ADCY1: variants seen among roughly 807,000 people sequenced by gnomAD.
ADCY1 encodes adenylate cyclase 1.
Under a neutral mutation model 105.4 loss-of-function variants are expected in ADCY1, and 28 were observed. That is an observed-to-expected ratio of 0.27 (90% CI 0.20 to 0.36). The LOEUF is 0.36. Among genes scored for constraint, ADCY1 ranks in the 10% least tolerant of loss-of-function variants. The pLI, the probability that ADCY1 is intolerant of heterozygous loss-of-function variation, is 1.00. For synonymous variants in ADCY1, 655 were observed against 623.8 expected (o/e 1.05, Z -0.75); for missense variants, 977 against 1,434.2 (o/e 0.68, Z 5.15).
intron 4 of ADCY1, among the ~76,000 whole-genome samples, chr7:45,643,503 G>A (rs1794579474): frequency 6.6e-6 from 1 of 151,754 alleles, no homozygotes; most frequent in African/African-American, 2.4e-5. Flanking sequence ...GGTTATTTTT[G>A]TCCTTGCATT....
At chr7:45,654,363 G>A (rs1218312198) in intron 5 of ADCY1, among the ~76,000 whole-genome samples, 2 of 152,208 alleles carry the variant, frequency 1.3e-5, no homozygotes, top group East Asian at 3.9e-4. Flanking sequence ...TGCCTTGCTG[G>A]CAGTGTGTAT....
Position 45,717,005 on chromosome 7 carries a change from A to G in ADCY1, c.*3010A>G, listed in dbSNP as rs1309871578. The stretch of plus-strand genomic sequence containing the variant: ...AGGAGCTGAGTTTGGCAACAACCCA[A>G]GTGAGCCTGAAGCAGATTCGCCCCA... On this transcript the variant is annotated 3_prime_UTR_variant, in exon 20 of 20. Coordinates refer to ENST00000297323, the MANE Select transcript of ADCY1 (RefSeq NM_021116.4). The G allele has an allele frequency of 6.6e-6, 1 of 152,464 alleles. No individual in the cohort carries two copies. The highest frequency in any genetic ancestry group is 1.9e-4 in the East Asian group (1 of 5,194). The allele number at this position is 152,464 out of a possible 1,614,324, so 9.4% of individuals were successfully genotyped here.
rs1382754827 is a variant in ADCY1 at position 45,703,923 on chromosome 7, G to C, written c.2718+177G>C. On this transcript the variant is annotated intron_variant, in intron 16 of 19. Coordinates refer to ENST00000297323, the MANE Select transcript of ADCY1 (RefSeq NM_021116.4). This position sits in a 1 kb window ranked among gnomAD's most constrained non-coding sequence, Gnocchi z 5.9. Reference sequence around the variant, plus strand: ...GATCCAGACCAACCATGACAGGAGAGAAGGGGGTCTTGACTCTAGGTTGGG... The same window carrying C: ...GATCCAGACCAACCATGACAGGAGACAAGGGGGTCTTGACTCTAGGTTGGG... 2.0e-5 allele frequency among the ~76,000 whole-genome samples: 3 copies of C among 152,212 alleles called. No individual in the cohort carries two copies. Among genetic ancestry groups the C allele is most frequent in the Non-Finnish European group, 2.9e-5 (2 of 68,036 alleles).
chr7:45,717,035 C>T lies in ADCY1; in HGVS notation c.*3040C>T, dbSNP rs898246551. ...GCCTGAAGCAGATTCGCCCCAGAGCCTCCAGGCGTGAGTGGAGCCCAGTCC... is the reference window on the plus strand; with the variant it reads ...GCCTGAAGCAGATTCGCCCCAGAGCTTCCAGGCGTGAGTGGAGCCCAGTCC... On this transcript the variant is annotated 3_prime_UTR_variant, in exon 20 of 20. Coordinates refer to ENST00000297323, the MANE Select transcript of ADCY1 (RefSeq NM_021116.4). 5 of 152,318 alleles carry T rather than the reference C, an allele frequency of 3.3e-5. No homozygotes were observed. Among genetic ancestry groups the T allele is most frequent in the African/African-American group, 1.2e-4 (5 of 41,452 alleles). The allele number at this position is 152,318 out of a possible 1,614,324, so 9.4% of individuals were successfully genotyped here.
At chr7:45,587,407 C>A (rs558879201) in intron 1 of ADCY1, among the ~76,000 whole-genome samples, 1 of 152,166 alleles carries the variant, frequency 6.6e-6, no homozygotes, top group African/African-American at 2.4e-5. Flanking sequence ...ACTTTGACTA[C>A]AGCCTGATTG....
intron 8 of ADCY1, 125 bp from the exon 9 acceptor site, chr7:45,677,744 T>C: frequency 9.9e-7 from 1 of 1,007,338 alleles, no homozygotes; most frequent in Non-Finnish European, 1.5e-6. Context: ...GTCATGATTA[T>C]TAAATGTCAG....
rs973534941 is a variant in ADCY1 at position 45,625,508 on chromosome 7, T to C, written c.1020+2765T>C. Among the ~76,000 whole-genome samples the C allele has an allele frequency of 3.3e-5, 5 of 152,020 alleles. No homozygotes were observed. The East Asian group carries it at 5.8e-4, about 18-fold the overall frequency. ...GCACACGTGTGTACACATGAATGTG[T>C]GAACATGGGTGTGCATGTGTGGGAA... On this transcript the variant is annotated intron_variant, in intron 4 of 19. Coordinates refer to ENST00000297323, the MANE Select transcript of ADCY1 (RefSeq NM_021116.4).
chr7:45,581,993 C>T (rs1055202607), intron 1 of ADCY1, among the ~76,000 whole-genome samples: 4 of 152,160 alleles, frequency 2.6e-5, no homozygotes, highest in East Asian at 1.9e-4. Flanking sequence ...TACCCACTTG[C>T]GTGCATGCAC....
chr7:45,707,242 A>G (rs746802193), intron 17 of ADCY1, among the ~76,000 whole-genome samples: 1 of 152,254 alleles, frequency 6.6e-6, no homozygotes, highest in Non-Finnish European at 1.5e-5. Context: ...GTCCATGAGT[A>G]TTCATAGCAG....
rs1393692257 is a variant in ADCY1, at chr7:45,715,935, G to A, written c.*1940G>A. On this transcript the variant is annotated 3_prime_UTR_variant, in exon 20 of 20. Transcript: ENST00000297323. The stretch of plus-strand genomic sequence containing the variant: ...TTCTTGCAGAGTGATTTTGACCAAT[G>A]CCTTTCCAGCACCTTCCCCTGGTTA... 8 of 152,718 alleles carry A rather than the reference G, an allele frequency of 5.2e-5. No individual in the cohort carries two copies. The East Asian group carries it at 1.2e-3, about 22-fold the overall frequency. 9.5% of individuals were successfully genotyped at this position (152,718 alleles called of 1,614,324 possible).
chr7:45,671,101 C>G (rs1315164749), intron 8 of ADCY1, among the ~76,000 whole-genome samples: 16 of 152,214 alleles, frequency 1.1e-4, no homozygotes, highest in Admixed American at 1.0e-3. Context: ...AGCATGGTTT[C>G]CTCATTATCT....
chr7:45,590,305 T>G (rs1015328633), intron 1 of ADCY1, among the ~76,000 whole-genome samples: 1 of 152,176 alleles, frequency 6.6e-6, no homozygotes. Flanking sequence ...AGCTAACATG[T>G]GGAAAATCTC....
intron 1 of ADCY1, among the ~76,000 whole-genome samples, chr7:45,585,621 T>C (rs1364116219): frequency 6.6e-6 from 1 of 152,042 alleles, no homozygotes; most frequent in Non-Finnish European, 1.5e-5. Context: ...GCTAATTTTG[T>C]ATTTTTAGTA....
chr7:45,626,711 T>C (rs1195376930), intron 4 of ADCY1, among the ~76,000 whole-genome samples: 1 of 152,214 alleles, frequency 6.6e-6, no homozygotes, highest in African/African-American at 2.4e-5. Context: ...GAGAATATTT[T>C]CTAGTTTCTA....
At chr7:45,618,508 G>A (rs1793803806) in intron 3 of ADCY1, among the ~76,000 whole-genome samples, 1 of 152,088 alleles carries the variant, frequency 6.6e-6, no homozygotes. Flanking sequence ...GAATATACAA[G>A]GAACTCAATA....
chr7:45,638,352 T>G (rs1794447754), intron 4 of ADCY1, among the ~76,000 whole-genome samples: 1 of 152,218 alleles, frequency 6.6e-6, no homozygotes, highest in Non-Finnish European at 1.5e-5. Flanking sequence ...GTCATGTCAT[T>G]AATTTTATCC....
chr7:45,595,069 T>G (rs576104362), intron 2 of ADCY1, among the ~76,000 whole-genome samples: 95 of 152,372 alleles, frequency 6.2e-4, no homozygotes, highest in Non-Finnish European at 8.5e-4. Flanking sequence ...AAAGAGTTTT[T>G]TCTTCACGCA....
chr7:45,626,908 G>A (rs1285091844), intron 4 of ADCY1, among the ~76,000 whole-genome samples: 2 of 152,102 alleles, frequency 1.3e-5, no homozygotes, highest in Non-Finnish European at 2.9e-5. Flanking sequence ...TGTGGGTGGG[G>A]GCACATATTG....
rs200597993 is a variant in ADCY1 at position 45,574,801 on chromosome 7, C to G, written c.258C>G (p.Pro86=). 1,300 of 1,571,524 alleles carry G rather than the reference C, an allele frequency of 8.3e-4. 11 individuals are homozygous for G. The Middle Eastern group carries it at 9.9e-3, about 12-fold the overall frequency. The part of the protein sequence containing the change: ...ALAELLGAPG[P]APGLAKGSHP... ...CCGAGCTGCTGGGCGCGCCGGGGCC[C>G]GCGCCCGGCCTGGCCAAGGGCTCAC... Residue 86 remains proline (P), a synonymous_variant, in exon 1 of 20, where the codon CCC becomes CCG. Transcript: ENST00000297323. This position sits in a 1 kb window ranked among gnomAD's most constrained non-coding sequence, Gnocchi z 7.0.
Sources: allele counts gnomAD v4.1 joint callset (sites outside exome capture counted in the v4.1 genomes callset), GRCh38; gene constraint gnomAD v4.1.1; non-coding constraint Gnocchi (gnomAD v3.1); transcripts MANE v1.5; gene names NCBI Gene and HGNC (gene_info 2026-07-23, HGNC 2026-07-21).